The following PNPLA8 variants were observed in gnomAD, a reference collection of about 807,000 sequenced individuals.
PNPLA8 encodes the protein calcium-independent phospholipase A2-gamma.
PNPLA8 carries 39 observed loss-of-function variants against 76.9 expected under a neutral mutation model. The observed-to-expected ratio is 0.51, with a 90% CI of 0.39 to 0.66. PNPLA8 has a LOEUF of 0.66. Ranked by LOEUF, PNPLA8 falls within the 30% of genes least tolerant of loss-of-function variation. The pLI is 0.00. For synonymous variants in PNPLA8, 301 were observed against 307.9 expected, an observed-to-expected ratio of 0.98 and a Z score of 0.24; for missense variants, 887 against 918.0, an observed-to-expected ratio of 0.97 and a Z score of 0.44.
chr7:108,497,802 T>A (rs1861653399), intron 5 of PNPLA8, among the ~76,000 whole-genome samples: 1 of 152,054 alleles, frequency 6.6e-6, no homozygotes, highest in Non-Finnish European at 1.5e-5. Context: ...CAGCACATTT[T>A]AAAATTTATA....
intron 7 of PNPLA8, among the ~76,000 whole-genome samples, chr7:108,491,755 G>C (rs1476878477): frequency 6.6e-6 from 1 of 152,206 alleles, no homozygotes. Context: ...GCTGGAGGAA[G>C]ACATTGAAAG....
intron 9 of PNPLA8, among the ~76,000 whole-genome samples, chr7:108,485,042 C>A (rs1334552878): frequency 6.6e-6 from 1 of 152,058 alleles, no homozygotes; most frequent in Non-Finnish European, 1.5e-5. Context: ...GTTTATGTAT[C>A]CTAAGCTCTG....
intron 9 of PNPLA8, among the ~76,000 whole-genome samples, chr7:108,487,236 G>A (rs2154515148): frequency 6.6e-6 from 1 of 152,216 alleles, no homozygotes; most frequent in East Asian, 1.9e-4. Context: ...CTTTTCCTAA[G>A]GTGCGAATTC....
chr7:108,486,184 C>A (rs764595613), intron 9 of PNPLA8, among the ~76,000 whole-genome samples: 1 of 151,966 alleles, frequency 6.6e-6, no homozygotes, highest in African/African-American at 2.4e-5. Flanking sequence ...GAAATAACTT[C>A]TTTTGAAGTG....
chr7:108,506,359 C>A (rs1454984577), intron 4 of PNPLA8, among the ~76,000 whole-genome samples: 4 of 151,804 alleles, frequency 2.6e-5, no homozygotes, highest in Admixed American at 2.6e-4. Context: ...GCCTGGACAA[C>A]AGAGCGACAC....
chr7:108,496,823 A>G (rs1598910038), intron 6 of PNPLA8, 68 bp from the exon 7 acceptor site: 11 of 1,273,108 alleles, frequency 8.6e-6, no homozygotes, highest in Non-Finnish European at 1.2e-5. Flanking sequence ...GATTTCCTGA[A>G]TCATAGTTTT....
chr7:108,526,125 A>G lies in PNPLA8; in HGVS notation c.-226T>C. The G allele has an allele frequency of 1.0e-6, 1 of 983,248 alleles. No individual in the cohort carries two copies. The highest frequency in any genetic ancestry group is 1.2e-6 in the Non-Finnish European group (1 of 827,800). The allele number at this position is 983,248 out of a possible 1,614,324, so 60.9% of individuals were successfully genotyped here. ...CCGGCCTGCATCAGCTGAGCTTCCA[A>G]CACAAACACTGGCGCAGCAGCTAGG... On this transcript the variant is annotated 5_prime_UTR_variant, in exon 1 of 11. Transcript: ENST00000257694.
intron 1 of PNPLA8, among the ~76,000 whole-genome samples, chr7:108,523,669 G>A (rs139400674): frequency 0.014 from 2,092 of 152,182 alleles, 34 homozygotes; most frequent in Non-Finnish European, 0.019. Context: ...TTGCTGAGGC[G>A]CCTGGCTGCA....
chr7:108,492,467 C>T (rs964797907), intron 7 of PNPLA8, among the ~76,000 whole-genome samples: 1 of 152,124 alleles, frequency 6.6e-6, no homozygotes, highest in Admixed American at 6.5e-5. Flanking sequence ...TGATTTCACA[C>T]TTTTTGGCAA....
chr7:108,498,492 C>G (rs550692719), intron 5 of PNPLA8, among the ~76,000 whole-genome samples: 1 of 150,388 alleles, frequency 6.6e-6, no homozygotes, highest in South Asian at 2.1e-4. Context: ...CCAGGATGGT[C>G]TCGATCTCCT....
chr7:108,472,499 T>G lies in PNPLA8; in HGVS notation c.2251A>C (p.Ile751Leu). ...AGAGTTGTTTTTTCTTGACTTAATA[T>G]TTTTGCAACTTTTTTCATTTTTTGT... ...NEQKMKKVAKILSQEKTTLQK... is the reference protein window; with the variant it reads ...NEQKMKKVAKLLSQEKTTLQK... The change falls in exon 11 of 11, where the codon ATA becomes CTA. Residue 751 changes from isoleucine (I) to leucine (L), a missense_variant. Physicochemically the swap from Ile to Leu is conservative, Grantham distance 5. Transcript: ENST00000257694. 1 of 1,609,178 alleles carries G rather than the reference T, an allele frequency of 6.2e-7. No individual in the cohort carries two copies. Among genetic ancestry groups the G allele is most frequent in the African/African-American group, 1.3e-5 (1 of 74,698 alleles).
At chr7:108,517,800 C>T (rs1863449828) in intron 2 of PNPLA8, among the ~76,000 whole-genome samples, 1 of 152,100 alleles carries the variant, frequency 6.6e-6, no homozygotes, top group African/African-American at 2.4e-5. Flanking sequence ...GACAGGGTCT[C>T]ACTCTGTCAC....
At chr7:108,507,140 C>G (rs916094287) in intron 4 of PNPLA8, among the ~76,000 whole-genome samples, 6 of 151,638 alleles carry the variant, frequency 4.0e-5, no homozygotes, top group Admixed American at 2.0e-4. Context: ...GTCAGGAGAT[C>G]GAGACCATCC....
At chr7:108,526,620 C>G (rs1349555794), upstream of PNPLA8, among the ~76,000 whole-genome samples, 2 of 152,208 alleles carry the variant, frequency 1.3e-5, no homozygotes, top group Non-Finnish European at 2.9e-5. Flanking sequence ...AGGGTGGTGC[C>G]CGGCGCGGCC....
intron 4 of PNPLA8, among the ~76,000 whole-genome samples, chr7:108,505,625 T>C (rs1231882888): frequency 6.6e-6 from 1 of 151,794 alleles, no homozygotes; most frequent in Non-Finnish European, 1.5e-5. Flanking sequence ...CCTCCCGAAG[T>C]GCTAGGATTA....
Position 108,496,710 on chromosome 7 carries a change from T to A in PNPLA8, c.1499A>T (p.Asp500Val). The A allele has an allele frequency of 6.2e-7, 1 of 1,611,266 alleles. No individual in the cohort carries two copies. Among genetic ancestry groups the A allele is most frequent in the Non-Finnish European group, 8.5e-7 (1 of 1,178,798 alleles). ...TTTTCGATAAAGTTCCTCACATTCATCCAAGGGCATATGAAACAACCCCAA... is the reference window on the plus strand; with the variant it reads ...TTTTCGATAAAGTTCCTCACATTCAACCAAGGGCATATGAAACAACCCCAA... ...FMLGLFHMPL[D>V]ECEELYRKLG... Residue 500 changes from aspartate (D) to valine (V), a missense_variant, in exon 7 of 11, where the codon GAT (aspartate) becomes GTT (valine). Asp to Val is a radical substitution (Grantham distance 152). Coordinates refer to ENST00000257694, the MANE Select transcript of PNPLA8 (RefSeq NM_001256007.3).
In PNPLA8 at chr7:108,497,493, A is replaced by T; in HGVS notation, c.1443T>A (p.Gly481=). ...PVHQLFDYIC[G]VSTGAILAFM... ...TATAATAATAATTACCTGTGCTTAC[A>T]CCACAAATGTAATCAAAGAGCTGAT... Residue 481 remains glycine, a synonymous_variant, in exon 6 of 11, where the codon GGT becomes GGA. Transcript: ENST00000257694. The T allele has an allele frequency of 6.2e-7, 1 of 1,601,796 alleles. No homozygotes were observed. The highest frequency in any genetic ancestry group is 8.5e-7 in the Non-Finnish European group (1 of 1,170,336).
intron 5 of PNPLA8, among the ~76,000 whole-genome samples, chr7:108,502,159 C>G (rs926542826): frequency 2.0e-5 from 3 of 150,992 alleles, no homozygotes; most frequent in Admixed American, 6.6e-5. Context: ...GAATCATGTT[C>G]CAGCTGGGCG....
chr7:108,481,409 T>C (rs1457869752), intron 9 of PNPLA8, among the ~76,000 whole-genome samples: 1 of 152,196 alleles, frequency 6.6e-6, no homozygotes, highest in Non-Finnish European at 1.5e-5. Context: ...CTTTAACAGA[T>C]ATGTGGTGGC....
Sources: gnomAD v4.1 joint callset for allele counts (sites outside exome capture counted in the v4.1 genomes callset) on GRCh38, gnomAD v4.1.1 for gene constraint, MANE v1.5 for transcripts, NCBI Gene and HGNC (gene_info 2026-07-23, HGNC 2026-07-21) for gene names.